Variants in CCDC6 observed in about 807,000 individuals in gnomAD.
The protein encoded by CCDC6 is coiled-coil domain-containing protein 6.
In CCDC6, 20 loss-of-function variants were observed where a neutral mutation model predicts 56.6. The observed-to-expected ratio is 0.35, with a 90% CI of 0.25 to 0.51. The LOEUF (loss-of-function observed/expected upper bound fraction) is 0.51. Ranked by LOEUF, CCDC6 falls within the 20% of genes least tolerant of loss-of-function variation. CCDC6 has a pLI of 0.95. For synonymous variants in CCDC6, 241 were observed against 234.4 expected, an observed-to-expected ratio of 1.03 and a Z score of -0.26; for missense variants, 367 against 601.1, an observed-to-expected ratio of 0.61 and a Z score of 4.07.
intron 1 of CCDC6, among the ~76,000 whole-genome samples, chr10:59,863,466 CATATT>C (rs2071151782): frequency 6.6e-6 from 1 of 152,042 alleles, no homozygotes; most frequent in South Asian, 2.1e-4. Flanking sequence ...CCAAAGACCA[CATATT>C]ATATGACCCC....
intron 1 of CCDC6, among the ~76,000 whole-genome samples, chr10:59,891,673 G>A (rs2071423140): frequency 6.6e-6 from 1 of 152,208 alleles, no homozygotes; most frequent in African/African-American, 2.4e-5. Flanking sequence ...GAGGGAGGCA[G>A]AGAAACCAAA....
chr10:59,816,708 T>C (rs1446488421), intron 3 of CCDC6, among the ~76,000 whole-genome samples: 1 of 152,226 alleles, frequency 6.6e-6, no homozygotes, highest in East Asian at 1.9e-4. Context: ...TGATAATCAC[T>C]ATATCTGGAT....
At chr10:59,858,284 G>A (rs1018197057) in intron 1 of CCDC6, among the ~76,000 whole-genome samples, 4 of 152,056 alleles carry the variant, frequency 2.6e-5, no homozygotes, top group Non-Finnish European at 4.4e-5. Flanking sequence ...CGCTTCCTCC[G>A]CATACTGCAC....
At chr10:59,877,595 A>G (rs1166453166) in intron 1 of CCDC6, among the ~76,000 whole-genome samples, 1 of 152,210 alleles carries the variant, frequency 6.6e-6, no homozygotes, top group Non-Finnish European at 1.5e-5. Context: ...AGGGCCTACA[A>G]ATGTTTGTGG....
At chr10:59,853,538 TAATA>T (rs2071056427) in intron 1 of CCDC6, among the ~76,000 whole-genome samples, 1 of 151,402 alleles carries the variant, frequency 6.6e-6, no homozygotes, top group African/African-American at 2.4e-5. Context: ...TGTCTCAAAA[TAATA>T]AATAAAATAA....
intron 1 of CCDC6, among the ~76,000 whole-genome samples, chr10:59,859,760 T>C (rs1175624296): frequency 1.8e-4 from 27 of 152,136 alleles, no homozygotes; most frequent in Non-Finnish European, 2.9e-5. Flanking sequence ...CTGAAGACGA[T>C]GGCTGGGAAT....
At chr10:59,808,612 G>A (rs1415759547) in intron 5 of CCDC6, among the ~76,000 whole-genome samples, 1 of 152,116 alleles carries the variant, frequency 6.6e-6, no homozygotes, top group Admixed American at 6.5e-5. Context: ...AAATTCAGTG[G>A]CCATGAGCAC....
Position 59,812,721 on chromosome 10 carries a change from G to A in CCDC6, c.761C>T (p.Ser254Phe). 2 of 1,611,974 alleles carry A rather than the reference G, an allele frequency of 1.2e-6. No homozygotes were observed. The highest frequency in any genetic ancestry group is 1.7e-6 in the Non-Finnish European group (2 of 1,178,252). ...GATGTGACGCATCATATTTTCTGGA[G>A]AATCAATCTCCATGGAGATATCTCT... The part of the protein sequence containing the change: ...SPRDISMEID[S>F]PENMMRHIRF... The change falls in exon 5 of 9, where the codon TCT (serine) becomes TTT (phenylalanine). Residue 254 changes from serine to phenylalanine, a missense_variant. By Grantham distance (155) the Ser-to-Phe change is radical (BLOSUM62 -2). This residue lies in a region of CCDC6 where 81 missense variants were observed against 150.8 expected (regional missense o/e 0.54). Coordinates refer to ENST00000263102, the MANE Select transcript of CCDC6 (RefSeq NM_005436.5).
chr10:59,849,342 C>T (rs763195168), intron 2 of CCDC6, among the ~76,000 whole-genome samples: 3 of 152,118 alleles, frequency 2.0e-5, no homozygotes, highest in Non-Finnish European at 4.4e-5. Flanking sequence ...TGTGTGTTTT[C>T]CTGTTGGTGA....
At chr10:59,816,313 G>A (rs1015652469) in intron 3 of CCDC6, among the ~76,000 whole-genome samples, 1 of 152,166 alleles carries the variant, frequency 6.6e-6, no homozygotes, top group South Asian at 2.1e-4. Context: ...CTCCTGTGAC[G>A]ACACAGCTCT....
In CCDC6 at chr10:59,861,061, T is replaced by C. The variant is rs538939607; in HGVS notation, c.304-8359A>G. ...AATGCAAAAACTTACCTGGCCGTGG[T>C]AGCGAGCACCTGTAATTGCAGGCAC... On this transcript the variant is annotated intron_variant, in intron 1 of 8. Coordinates refer to ENST00000263102, the MANE Select transcript of CCDC6 (RefSeq NM_005436.5). Among the ~76,000 whole-genome samples the C allele has an allele frequency of 2.6e-5, 4 of 152,184 alleles. No homozygotes were observed. In the South Asian group the frequency reaches 6.2e-4, roughly 24 times the overall value.
At chr10:59,843,866 T>C (rs771100226) in intron 2 of CCDC6, among the ~76,000 whole-genome samples, 1 of 152,150 alleles carries the variant, frequency 6.6e-6, no homozygotes, top group Non-Finnish European at 1.5e-5. Flanking sequence ...TGAGGTAGGG[T>C]TGACTGATCA....
intron 2 of CCDC6, among the ~76,000 whole-genome samples, chr10:59,841,535 C>T (rs1018658529): frequency 2.0e-5 from 3 of 152,188 alleles, no homozygotes; most frequent in Non-Finnish European, 4.4e-5. Flanking sequence ...TCCACTTACA[C>T]AATAATAAGT....
At chr10:59,814,791 G>T (rs61847249) in intron 3 of CCDC6, 36 bp from the exon 4 acceptor site, 1 of 1,310,250 alleles carries the variant, frequency 7.6e-7, no homozygotes, top group Admixed American at 1.7e-5. Context: ...AAAGTGTCAG[G>T]CCACTTATAC....
intron 1 of CCDC6, among the ~76,000 whole-genome samples, chr10:59,903,771 G>A (rs1017481510): frequency 8.5e-5 from 13 of 152,302 alleles, no homozygotes; most frequent in Admixed American, 7.8e-4. Context: ...TTAAGTCAGC[G>A]ATGTCAGGGA....
At chr10:59,847,820 T>TG (rs1483066843) in intron 2 of CCDC6, among the ~76,000 whole-genome samples, 6 of 145,100 alleles carry the variant, frequency 4.1e-5, no homozygotes, top group African/African-American at 1.6e-4. Flanking sequence ...TTTTAGACTT[T>TG]TTTTTTTTTT....
At chr10:59,815,042 G>C (rs1266235897) in intron 3 of CCDC6, among the ~76,000 whole-genome samples, 2 of 152,150 alleles carry the variant, frequency 1.3e-5, no homozygotes, top group African/African-American at 4.8e-5. Context: ...AGGTCTTTAG[G>C]GGAGTTCGGT....
intron 1 of CCDC6, among the ~76,000 whole-genome samples, chr10:59,869,346 C>A (rs188078091): frequency 3.0e-5 from 4 of 134,160 alleles, no homozygotes; most frequent in Middle Eastern, 4.1e-3. Flanking sequence ...TCTCTGGATT[C>A]CTTCCCCTCT....
intron 2 of CCDC6, among the ~76,000 whole-genome samples, chr10:59,848,141 T>C (rs1485639269): frequency 6.6e-6 from 1 of 152,182 alleles, no homozygotes; most frequent in Non-Finnish European, 1.5e-5. Flanking sequence ...CCTTGTAACC[T>C]AAGCTACCCA....
Sources: allele counts gnomAD v4.1 joint callset (sites outside exome capture counted in the v4.1 genomes callset), GRCh38; gene constraint gnomAD v4.1.1; regional missense constraint gnomAD v4.1.1; transcripts MANE v1.5; gene names NCBI Gene and HGNC (gene_info 2026-07-23, HGNC 2026-07-21).